The following EFCAB14 variants were observed in gnomAD, a reference collection of about 807,000 sequenced individuals.
EFCAB14 encodes EF-hand calcium-binding domain-containing protein 14.
EFCAB14 carries 43 observed loss-of-function variants against 56.5 expected under a neutral mutation model. That is an observed-to-expected ratio of 0.76 (90% CI 0.60 to 0.98). EFCAB14 has a LOEUF of 0.98. Among genes scored for constraint, EFCAB14 ranks in the 50% least tolerant of loss-of-function variants. The pLI, the probability that EFCAB14 is intolerant of heterozygous loss-of-function variation, is 0.00. For synonymous variants in EFCAB14, 235 were observed against 212.9 expected, an observed-to-expected ratio of 1.10 and a Z score of -0.90; for missense variants, 538 against 580.3, an observed-to-expected ratio of 0.93 and a Z score of 0.75.
chr1:46,688,350 T>A lies in EFCAB14; in HGVS notation c.987+3A>T, dbSNP rs1440101146. ...ATGTCACAAAAGATCAGAAAAGGCT[T>A]ACCATGCTGAAGGACAGGTTTGCTT... On this transcript the variant is annotated splice_donor_region_variant and intron_variant, in intron 7 of 10. Coordinates refer to ENST00000371933, the MANE Select transcript of EFCAB14 (RefSeq NM_014774.3). 1 of 1,612,984 alleles carries A rather than the reference T, an allele frequency of 6.2e-7. No homozygotes were observed. Among genetic ancestry groups the A allele is most frequent in the Admixed American group, 1.7e-5 (1 of 59,966 alleles).
Position 46,689,577 on chromosome 1 carries a change from T to TA in EFCAB14, c.795+9dup. On this transcript the variant is annotated intron_variant, in intron 6 of 10. Transcript: ENST00000371933. ...TGGTCACAGGGAGTTAAGCCAGAGA[T>TA]AAAAAGCACCTGTTTCAAATTCTCA... 6.2e-7 allele frequency: 1 copy of TA among 1,613,506 alleles called. No homozygotes were observed. The highest frequency in any genetic ancestry group is 8.5e-7 in the Non-Finnish European group (1 of 1,179,530).
At chr1:46,683,220 A>G (rs1676823284) in intron 10 of EFCAB14, 80 bp downstream of exon 10, 10 of 1,488,326 alleles carry the variant, frequency 6.7e-6, no homozygotes, top group South Asian at 1.2e-5. Flanking sequence ...GATCATATAT[A>G]TTTTTGACAA....
At chr1:46,715,745 C>G (rs1677378224) in intron 2 of EFCAB14, among the ~76,000 whole-genome samples, 1 of 152,018 alleles carries the variant, frequency 6.6e-6, no homozygotes. Context: ...ATTTCAGATG[C>G]TACTTGTCCT....
chr1:46,694,720 G>A (rs533189886), intron 4 of EFCAB14, among the ~76,000 whole-genome samples: 25 of 152,180 alleles, frequency 1.6e-4, no homozygotes, highest in African/African-American at 2.4e-4. Context: ...CAGCCATCCC[G>A]TTACTGGGTA....
chr1:46,689,406 A>C (rs771983030), intron 6 of EFCAB14, among the ~76,000 whole-genome samples, 181 bp downstream of exon 6: 3 of 152,192 alleles, frequency 2.0e-5, no homozygotes, highest in Non-Finnish European at 4.4e-5. Context: ...GTGCCAAAGA[A>C]GGGAAAGGAC....
In EFCAB14 at chr1:46,716,420, T is replaced by G. The variant is rs1677394545; in HGVS notation, c.209A>C (p.Lys70Thr). ...FAKGDYLRCC[K>T]ICYPLCGFVI... Reference sequence around the variant, plus strand: ...AAAACCACAGAGCGGATAACAGATCTTGCAGCATCGTAAATAGTCTCCCCT... The same window carrying G: ...AAAACCACAGAGCGGATAACAGATCGTGCAGCATCGTAAATAGTCTCCCCT... Residue 70 changes from lysine to threonine, a missense_variant, in exon 2 of 11, where the codon AAG (lysine) becomes ACG (threonine). By Grantham distance (78) the Lys-to-Thr change is moderately conservative. Coordinates refer to ENST00000371933, the MANE Select transcript of EFCAB14 (RefSeq NM_014774.3). The G allele has an allele frequency of 3.7e-5, 60 of 1,613,994 alleles. No individual in the cohort carries two copies. Among genetic ancestry groups the G allele is most frequent in the Non-Finnish European group, 5.1e-5 (60 of 1,180,034 alleles).
chr1:46,685,989 C>T (rs979437930), intron 8 of EFCAB14, among the ~76,000 whole-genome samples: 1 of 152,220 alleles, frequency 6.6e-6, no homozygotes, highest in Admixed American at 6.5e-5. Context: ...GCTGCCTTTA[C>T]TGTGTGGTTC....
chr1:46,686,143 G>A (rs948170208), intron 8 of EFCAB14, among the ~76,000 whole-genome samples: 1 of 152,108 alleles, frequency 6.6e-6, no homozygotes, highest in Non-Finnish European at 1.5e-5. Flanking sequence ...TCTAATCAGA[G>A]AATACTGTAA....
At chr1:46,682,796 G>A (rs182155967) in intron 10 of EFCAB14, among the ~76,000 whole-genome samples, 25 of 152,314 alleles carry the variant, frequency 1.6e-4, no homozygotes, top group Admixed American at 5.2e-4. Flanking sequence ...GGCTGAGGCA[G>A]GTGGGTCACT....
At chr1:46,704,795 A>G (rs1031635818) in intron 3 of EFCAB14, among the ~76,000 whole-genome samples, 17 of 152,316 alleles carry the variant, frequency 1.1e-4, no homozygotes, top group African/African-American at 4.1e-4. Context: ...ATAAAACCAG[A>G]GGTTTCATGA....
At chr1:46,684,232 A>C in intron 9 of EFCAB14, 1 of 426,002 alleles carries the variant, frequency 2.3e-6, no homozygotes, top group Non-Finnish European at 4.2e-6. Context: ...ATTTTTGCCT[A>C]TAATTGGATG....
chr1:46,709,881 G>A (rs930237993), intron 2 of EFCAB14, among the ~76,000 whole-genome samples: 1 of 152,020 alleles, frequency 6.6e-6, no homozygotes, highest in Non-Finnish European at 1.5e-5. Context: ...CCAGTTACTC[G>A]GGAGGCTGAG....
At chr1:46,688,844 G>A (rs1417144897) in intron 6 of EFCAB14, among the ~76,000 whole-genome samples, 1 of 152,210 alleles carries the variant, frequency 6.6e-6, no homozygotes, top group Non-Finnish European at 1.5e-5. Context: ...TACCTCACCT[G>A]CTGGAGGAAA....
intron 3 of EFCAB14, among the ~76,000 whole-genome samples, chr1:46,705,440 G>A (rs1416442775): frequency 8.5e-5 from 13 of 152,158 alleles, no homozygotes; most frequent in Admixed American, 5.9e-4. Context: ...TGGTTATAAC[G>A]TTGATGGGAA....
chr1:46,693,611 T>C (rs1003326023), intron 4 of EFCAB14, among the ~76,000 whole-genome samples: 3 of 152,190 alleles, frequency 2.0e-5, no homozygotes, highest in African/African-American at 7.2e-5. Flanking sequence ...ACACCTACTG[T>C]TTGTGAATCC....
intron 10 of EFCAB14, among the ~76,000 whole-genome samples, chr1:46,679,809 T>C (rs1423726228): frequency 4.0e-5 from 6 of 151,528 alleles, no homozygotes; most frequent in Non-Finnish European, 7.4e-5. Context: ...TGCGGTTTCA[T>C]CATGTCGGCC....
chr1:46,704,269 A>G (rs1390182519), intron 3 of EFCAB14, among the ~76,000 whole-genome samples: 1 of 151,974 alleles, frequency 6.6e-6, no homozygotes, highest in Non-Finnish European at 1.5e-5. Flanking sequence ...CCTGGGAAAT[A>G]GTGAGACCCT....
At chr1:46,699,721 G>GTCC (rs958678771) in intron 3 of EFCAB14, among the ~76,000 whole-genome samples, 1 of 152,192 alleles carries the variant, frequency 6.6e-6, no homozygotes, top group Non-Finnish European at 1.5e-5. Context: ...TTCAAAATAT[G>GTCC]TCTACAAATT....
chr1:46,709,087 A>G (rs1313821505), intron 2 of EFCAB14, among the ~76,000 whole-genome samples: 1 of 152,230 alleles, frequency 6.6e-6, no homozygotes, highest in Non-Finnish European at 1.5e-5. Context: ...ATGGTCAGCT[A>G]CATTTTGTTC....
Sources: allele counts gnomAD v4.1 joint callset (sites outside exome capture counted in the v4.1 genomes callset), GRCh38; gene constraint gnomAD v4.1.1; transcripts MANE v1.5; gene names NCBI Gene and HGNC (gene_info 2026-07-23, HGNC 2026-07-21).